Variants in RBM26 observed in about 807,000 individuals in gnomAD.
RBM26 encodes the protein RNA-binding protein 26.
RBM26 carries 30 observed loss-of-function variants against 123.6 expected under a neutral mutation model. The observed-to-expected ratio is 0.24, with a 90% confidence interval of 0.18 to 0.33. RBM26 has a LOEUF of 0.33. Ranked by LOEUF, RBM26 falls within the 10% of genes least tolerant of loss-of-function variation. The pLI, the probability that RBM26 is intolerant of heterozygous loss-of-function variation, is 1.00. For synonymous variants in RBM26, 400 were observed against 404.4 expected, an observed-to-expected ratio of 0.99 and a Z score of 0.13; for missense variants, 947 against 1,203.6, an observed-to-expected ratio of 0.79 and a Z score of 3.15.
At chr13:79,316,192 GGTGTGTGTGTGTGTGTGTGTGTGTGTGT>G (rs3064578), downstream of RBM26, among the ~76,000 whole-genome samples, 1 of 141,998 alleles carries the variant, frequency 7.0e-6, no homozygotes, top group Non-Finnish European at 1.5e-5. Context: ...AAGTGGGGCA[GGTGTGTGTGTGTGTGTGTGTGTGTGTGT>G]GTGTGTGTGT....
intron 16 of RBM26, among the ~76,000 whole-genome samples, chr13:79,343,280 G>GA (rs2071742078): frequency 6.6e-6 from 1 of 151,906 alleles, no homozygotes; most frequent in African/African-American, 2.4e-5. Flanking sequence ...TGAGATATTA[G>GA]AAAAAATGAA....
chr13:79,318,154 G>A (rs949362920), downstream of RBM26, among the ~76,000 whole-genome samples: 1 of 151,200 alleles, frequency 6.6e-6, no homozygotes, highest in African/African-American at 2.4e-5. Context: ...TGCTAATTTT[G>A]TGCAGTATCT....
At chr13:79,334,503 A>T in intron 19 of RBM26, 73 bp from the exon 20 acceptor site, 1 of 763,978 alleles carries the variant, frequency 1.3e-6, no homozygotes, top group Non-Finnish European at 2.1e-6. Context: ...TGGTATTAAA[A>T]AACATTAAAA....
intron 20 of RBM26, among the ~76,000 whole-genome samples, chr13:79,332,782 C>G (rs929191500): frequency 6.6e-6 from 1 of 152,044 alleles, no homozygotes; most frequent in Admixed American, 6.6e-5. Flanking sequence ...ATTGTATACA[C>G]GCCTAAGGTA....
chr13:79,353,284 A>T, intron 13 of RBM26, 60 bp from the exon 14 acceptor site: 1 of 965,168 alleles, frequency 1.0e-6, no homozygotes, highest in Non-Finnish European at 1.6e-6. Flanking sequence ...GTCTGTTGGG[A>T]TCTTGAACAT....
intron 1 of RBM26, among the ~76,000 whole-genome samples, chr13:79,398,041 T>TA (rs2078746231): frequency 6.6e-6 from 1 of 152,204 alleles, no homozygotes; most frequent in Non-Finnish European, 1.5e-5. Context: ...AACCCTAAGT[T>TA]AAAAATAAAC....
At chr13:79,366,914 G>C in intron 6 of RBM26, 42 bp from the exon 7 acceptor site, 1 of 1,444,982 alleles carries the variant, frequency 6.9e-7, no homozygotes, top group Non-Finnish European at 9.2e-7. Flanking sequence ...CAAAAGCACT[G>C]GAAATATATA....
intron 1 of RBM26, 47 bp downstream of exon 1, chr13:79,405,657 T>C: frequency 7.3e-7 from 1 of 1,377,376 alleles, no homozygotes; most frequent in Non-Finnish European, 1.0e-6. Flanking sequence ...TGGGTCCGCC[T>C]ATCTCCCACT....
chr13:79,393,702 C>A (rs765828996), intron 1 of RBM26, among the ~76,000 whole-genome samples: 6 of 152,160 alleles, frequency 3.9e-5, no homozygotes, highest in Non-Finnish European at 8.8e-5. Flanking sequence ...TCTCCTCCCC[C>A]CGTATGACCA....
At chr13:79,363,850 GA>G (rs1195990563) in intron 9 of RBM26, among the ~76,000 whole-genome samples, 1 of 152,130 alleles carries the variant, frequency 6.6e-6, no homozygotes, top group Admixed American at 6.5e-5. Flanking sequence ...CAGCAAGGTA[GA>G]AAGAAATGAC....
chr13:79,336,432 T>C (rs2070416852), intron 19 of RBM26, among the ~76,000 whole-genome samples: 1 of 152,130 alleles, frequency 6.6e-6, no homozygotes, highest in African/African-American at 2.4e-5. Flanking sequence ...ATGCTGAGGG[T>C]AAAACTGATG....
At chr13:79,335,981 C>T (rs2070313264) in intron 19 of RBM26, among the ~76,000 whole-genome samples, 1 of 152,026 alleles carries the variant, frequency 6.6e-6, no homozygotes, top group Non-Finnish European at 1.5e-5. Context: ...CCACCAAGAA[C>T]AGGACTTTAG....
At chr13:79,390,348 A>G (rs1180018444) in intron 1 of RBM26, among the ~76,000 whole-genome samples, 1 of 152,206 alleles carries the variant, frequency 6.6e-6, no homozygotes, top group Non-Finnish European at 1.5e-5. Context: ...CTTGCTCAAA[A>G]TAATACTCTG....
intron 20 of RBM26, among the ~76,000 whole-genome samples, chr13:79,323,592 A>C (rs1458064524): frequency 1.3e-5 from 2 of 151,586 alleles, no homozygotes; most frequent in Non-Finnish European, 3.0e-5. Context: ...TTAATGCAAA[A>C]TACCTACTCA....
chr13:79,333,365 T>C (rs1218768950), intron 20 of RBM26, among the ~76,000 whole-genome samples: 1 of 152,106 alleles, frequency 6.6e-6, no homozygotes, highest in Non-Finnish European at 1.5e-5. Flanking sequence ...AGGCTCCAGT[T>C]GAATGACTTA....
intron 14 of RBM26, among the ~76,000 whole-genome samples, chr13:79,345,323 A>G (rs1476754117): frequency 3.3e-5 from 5 of 151,952 alleles, no homozygotes; most frequent in Admixed American, 6.6e-5. Flanking sequence ...AGCCTAACAC[A>G]ATCAAGACCT....
At chr13:79,318,674 T>TA (rs2067370628), downstream of RBM26, 7 of 505,036 alleles carry the variant, frequency 1.4e-5, no homozygotes, top group African/African-American at 2.1e-5. Context: ...TGGACTGAAA[T>TA]AAACAGAATA....
chr13:79,322,416 G>A lies in RBM26; in HGVS notation c.2867C>T (p.Ala956Val). Reference protein sequence around the residue: ...ARFKGQDLKLAWNKPVTNISA... With the variant: ...ARFKGQDLKLVWNKPVTNISA... ...AATATTAGTTACTGGTTTATTCCAT[G>A]CCAGTTTTAGATCTTGCCCTTTGAA... The change falls in exon 21 of 22, where the codon GCA becomes GTA. Residue 956 changes from alanine to valine, a missense_variant. Physicochemically the swap from Ala to Val is moderately conservative, Grantham distance 64 (BLOSUM62 0). Around this residue, in one of 5 missense-constraint regions of RBM26, gnomAD observed 164 missense variants for 215.3 expected, o/e 0.76. Transcript: ENST00000438737. 2 of 1,580,900 alleles carry A rather than the reference G, an allele frequency of 1.3e-6. No homozygotes were observed. The highest frequency in any genetic ancestry group is 1.7e-6 in the Non-Finnish European group (2 of 1,166,778).
chr13:79,356,385 CAAACAAAAA>C (rs2074011467), intron 11 of RBM26, among the ~76,000 whole-genome samples: 4 of 12,400 alleles, frequency 3.2e-4, no homozygotes, highest in South Asian at 3.1e-3. Flanking sequence ...AAAAAAAAAA[CAAACAAAAA>C]AAAACAAAAA....
Sources: allele counts gnomAD v4.1 joint callset (sites outside exome capture counted in the v4.1 genomes callset), GRCh38; gene constraint gnomAD v4.1.1; regional missense constraint gnomAD v4.1.1; transcripts MANE v1.5; gene names NCBI Gene and HGNC (gene_info 2026-07-23, HGNC 2026-07-21).